PRICKLE2: variants seen among roughly 807,000 people sequenced by gnomAD.
PRICKLE2 encodes prickle-like protein 2.
In PRICKLE2, 21 loss-of-function variants were observed where a neutral mutation model predicts 81.4. That is an observed-to-expected ratio of 0.26 (90% CI 0.18 to 0.37). The LOEUF (loss-of-function observed/expected upper bound fraction) is 0.37, where lower values mean the gene tolerates loss of function less well. Ranked by LOEUF, PRICKLE2 falls within the 10% of genes least tolerant of loss-of-function variation. PRICKLE2 has a pLI of 1.00. For synonymous variants in PRICKLE2, 456 were observed against 421.5 expected (o/e 1.08, Z -1.00); for missense variants, 940 against 1,109.0 (o/e 0.85, Z 2.16).
intron 7 of PRICKLE2, among the ~76,000 whole-genome samples, chr3:64,115,926 A>T (rs1045803111): frequency 5.3e-5 from 8 of 152,200 alleles, no homozygotes; most frequent in Non-Finnish European, 1.0e-4. Flanking sequence ...TATATTCTAA[A>T]ATAGATCACA....
upstream of PRICKLE2, among the ~76,000 whole-genome samples, chr3:64,226,825 C>T (rs949052364): frequency 1.3e-5 from 2 of 152,214 alleles, no homozygotes; most frequent in African/African-American, 4.8e-5. Context: ...ATATTCTGGA[C>T]TCTGTGCCTG....
intron 7 of PRICKLE2, among the ~76,000 whole-genome samples, chr3:64,110,291 T>C (rs923158218): frequency 1.3e-5 from 2 of 152,172 alleles, no homozygotes; most frequent in Admixed American, 1.3e-4. Context: ...AACACTTGAC[T>C]ACAGGAGGAC....
At chr3:64,176,235 T>C (rs1339733884) in intron 2 of PRICKLE2, among the ~76,000 whole-genome samples, 1 of 152,160 alleles carries the variant, frequency 6.6e-6, no homozygotes, top group Non-Finnish European at 1.5e-5. Context: ...TACAATCAGG[T>C]TCCGTTATTA....
intron 2 of PRICKLE2, among the ~76,000 whole-genome samples, chr3:64,260,299 CT>C (rs1006945793): frequency 4.6e-5 from 7 of 152,178 alleles, no homozygotes; most frequent in African/African-American, 1.7e-4. Context: ...AGAGTTATCA[CT>C]TTGCCAAGCT....
intron 7 of PRICKLE2, among the ~76,000 whole-genome samples, chr3:64,116,231 CA>C (rs1367545624): frequency 6.6e-6 from 1 of 152,018 alleles, no homozygotes; most frequent in Non-Finnish European, 1.5e-5. Context: ...CTGAAATGTT[CA>C]CATCAAAAAG....
intron 2 of PRICKLE2, among the ~76,000 whole-genome samples, chr3:64,254,727 G>A (rs920096719): frequency 6.6e-6 from 1 of 152,102 alleles, no homozygotes; most frequent in African/African-American, 2.4e-5. Flanking sequence ...CATTCCTTCT[G>A]TTGTAAACCC....
At position 64,163,015 on chromosome 3, in the gene PRICKLE2, C is replaced by T. The variant is rs766999735; in HGVS notation, c.258+1G>A. On this transcript the variant is annotated splice_donor_variant, in intron 3 of 7. Coordinates refer to ENST00000638394, the MANE Select transcript of PRICKLE2 (RefSeq NM_198859.4). LOFTEE classifies it high-confidence loss of function. ...TGCATAAGCCCCCTCTAGCCCCTTA[C>T]CTCATTGTCATGTGGCGGCAGCTGG... The T allele has an allele frequency of 6.2e-7, 1 of 1,602,634 alleles. No individual in the cohort carries two copies. Among genetic ancestry groups the T allele is most frequent in the East Asian group, 2.2e-5 (1 of 44,820 alleles).
Position 64,199,214 on chromosome 3 carries a change from G to C in PRICKLE2, c.-40-247C>G. 1.2e-5 allele frequency: 7 copies of C among 592,242 alleles called. No homozygotes were observed. In the South Asian group the frequency reaches 1.4e-4, roughly 12 times the overall value. 36.7% of individuals were successfully genotyped at this position (592,242 alleles called of 1,614,324 possible). A position where few individuals can be genotyped will look rare whatever the true frequency, so the allele number is the denominator to read the frequency against. ...AAGCATGCTAAGGGTGTTTACATGT[G>C]GACCCCAGCCTTCTCTTCTAAATCA... is the stretch of plus-strand genomic sequence containing the variant. On this transcript the variant is annotated intron_variant, in intron 1 of 7. Coordinates refer to ENST00000638394, the MANE Select transcript of PRICKLE2 (RefSeq NM_198859.4).
intron 2 of PRICKLE2, among the ~76,000 whole-genome samples, chr3:64,260,247 G>A (rs1479025675): frequency 6.6e-6 from 1 of 152,080 alleles, no homozygotes; most frequent in Non-Finnish European, 1.5e-5. Context: ...CACACTGAAC[G>A]CACTAACGGG....
chr3:64,195,291 A>G (rs1414614807), intron 2 of PRICKLE2, among the ~76,000 whole-genome samples: 1 of 152,194 alleles, frequency 6.6e-6, no homozygotes, highest in Non-Finnish European at 1.5e-5. Context: ...TTTTACAGCT[A>G]GTGCATTTTT....
chr3:64,231,678 C>G (rs2079106546), intron 2 of PRICKLE2, among the ~76,000 whole-genome samples: 1 of 152,220 alleles, frequency 6.6e-6, no homozygotes, highest in Non-Finnish European at 1.5e-5. Flanking sequence ...CAAAATGCCA[C>G]AGAGGTACAA....
intron 5 of PRICKLE2, 119 bp from the exon 6 acceptor site, chr3:64,153,487 A>G: frequency 1.1e-6 from 1 of 895,954 alleles, no homozygotes; most frequent in East Asian, 2.5e-5. Context: ...ACTCACAAAT[A>G]ATTAAACAAA....
Position 64,098,385 on chromosome 3 carries a change from A to C in PRICKLE2, c.*666T>G, listed in dbSNP as rs2076600355. 1 of 152,156 alleles carries C rather than the reference A, an allele frequency of 6.6e-6. No individual in the cohort carries two copies. The highest frequency in any genetic ancestry group is 1.5e-5 in the Non-Finnish European group (1 of 68,040). The allele number at this position is 152,156 out of a possible 1,614,324, so 9.4% of individuals were successfully genotyped here. A position where few individuals can be genotyped will look rare whatever the true frequency, so the allele number is the denominator to read the frequency against. ...ACGGAGCATAAAATGCTTTGGGTCT[A>C]ACAGTTATGTTTTTTCAGCCACAAA... On this transcript the variant is annotated 3_prime_UTR_variant, in exon 8 of 8. Transcript: ENST00000638394.
Position 64,147,159 on chromosome 3 carries a change from T to C in PRICKLE2, c.1331A>G (p.Lys444Arg), listed in dbSNP as rs199966420. The stretch of plus-strand genomic sequence containing the variant: ...GCTCCTTTTGGGGTTGCTGAAGTGC[T>C]TGCCCCACATTTCGGGCTGGGCCCC... The part of the protein sequence containing the change: ...GAGAQPEMWG[K>R]HFSNPKRSSS... Residue 444 changes from lysine (K) to arginine (R), a missense_variant, in exon 7 of 8, where the codon AAG (lysine) becomes AGG (arginine). Lys to Arg is a conservative substitution (Grantham distance 26). Coordinates refer to ENST00000638394, the MANE Select transcript of PRICKLE2 (RefSeq NM_198859.4). The surrounding 1 kb of genome is among the most constrained non-coding windows in gnomAD (Gnocchi z 5.0). The C allele has an allele frequency of 6.2e-7, 1 of 1,614,148 alleles. No homozygotes were observed. Among genetic ancestry groups the C allele is most frequent in the East Asian group, 2.2e-5 (1 of 44,870 alleles).
chr3:64,099,838 A>G lies in PRICKLE2; in HGVS notation c.1748T>C (p.Val583Ala). The G allele has an allele frequency of 6.2e-7, 1 of 1,614,210 alleles. No individual in the cohort carries two copies. Among genetic ancestry groups the G allele is most frequent in the Non-Finnish European group, 8.5e-7 (1 of 1,180,034 alleles). ...GCCCATGTTGCTCAGCTTCTCAGACACATTCATTCCAGAGTCTTTGCTGAG... is the reference window on the plus strand; with the variant it reads ...GCCCATGTTGCTCAGCTTCTCAGACGCATTCATTCCAGAGTCTTTGCTGAG... The part of the protein sequence containing the change: ...PDLSKDSGMN[V>A]SEKLSNMGTL... Residue 583 changes from valine to alanine, a missense_variant, in exon 8 of 8, where the codon GTG becomes GCG. Physicochemically the swap from Val to Ala is moderately conservative, Grantham distance 64 (BLOSUM62 0). Around this residue, in one of 2 missense-constraint regions of PRICKLE2, gnomAD observed 670 missense variants for 717.2 expected, o/e 0.93. Transcript: ENST00000638394. The surrounding 1 kb of genome is among the most constrained non-coding windows in gnomAD (Gnocchi z 4.3).
rs58605838 is a variant in PRICKLE2, at chr3:64,137,977, A to G, written c.1660+8853T>C. Among the ~76,000 whole-genome samples the G allele has an allele frequency of 8.7e-3, 1,331 of 152,216 alleles. 17 individuals carry two copies. The highest frequency in any genetic ancestry group is 0.03 in the African/African-American group (1,236 of 41,542). ...TCATAGCCTGAAACCCCTACGTTAA[A>G]ATCACCACAGGCCACACCCCAAAGA... On this transcript the variant is annotated intron_variant, in intron 7 of 7. Transcript: ENST00000638394.
chr3:64,252,477 G>A (rs1368172049), intron 2 of PRICKLE2, among the ~76,000 whole-genome samples: 2 of 152,124 alleles, frequency 1.3e-5, no homozygotes, highest in African/African-American at 2.4e-5. Context: ...CAGAGTACTG[G>A]GCATGAGCCA....
At chr3:64,226,926 C>G (rs2079040303), upstream of PRICKLE2, among the ~76,000 whole-genome samples, 2 of 152,164 alleles carry the variant, frequency 1.3e-5, no homozygotes, top group African/African-American at 4.8e-5. Context: ...ACAGAAGTGT[C>G]CCAAAGGACA....
rs146447680 is a variant in PRICKLE2, at chr3:64,117,102, T to A, written c.1661-17177A>T. Among the ~76,000 whole-genome samples the A allele has an allele frequency of 3.9e-4, 59 of 152,300 alleles. 1 individual carries two copies. The highest frequency in any genetic ancestry group is 1.4e-3 in the African/African-American group (58 of 41,568). ...TAAACAGAACTAAAGACGAAAACCATATGATTATCACAATAGATGTGGAAA... is the reference window on the plus strand; with the variant it reads ...TAAACAGAACTAAAGACGAAAACCAAATGATTATCACAATAGATGTGGAAA... On this transcript the variant is annotated intron_variant, in intron 7 of 7. Transcript: ENST00000638394.
Sources: allele counts gnomAD v4.1 joint callset (sites outside exome capture counted in the v4.1 genomes callset), GRCh38; gene constraint gnomAD v4.1.1; regional missense constraint gnomAD v4.1.1; non-coding constraint Gnocchi (gnomAD v3.1); transcripts MANE v1.5; gene names NCBI Gene and HGNC (gene_info 2026-07-23, HGNC 2026-07-21).